Variants in DECR1 observed in about 807,000 individuals in gnomAD.
The protein encoded by DECR1 is 2,4-dienoyl-CoA reductase 1.
A neutral mutation model predicts 38.8 loss-of-function variants in DECR1; 44 were observed. That is an observed-to-expected ratio of 1.13 (90% CI 0.89 to 1.46). The LOEUF is 1.46. DECR1 is among the 40% of genes most tolerant of loss of function. The pLI is 0.00. For synonymous variants in DECR1, 148 were observed against 135.2 expected, an observed-to-expected ratio of 1.09 and a Z score of -0.66; for missense variants, 428 against 405.5, an observed-to-expected ratio of 1.06 and a Z score of -0.48.
At chr8:90,031,198 G>T (rs1389839007) in intron 5 of DECR1, among the ~76,000 whole-genome samples, 1 of 152,044 alleles carries the variant, frequency 6.6e-6, no homozygotes, top group African/African-American at 2.4e-5. Flanking sequence ...AAATAATGTT[G>T]ATAATAAAGC....
At chr8:90,011,584 TATA>T (rs1472366856) in intron 1 of DECR1, among the ~76,000 whole-genome samples, 10 of 152,206 alleles carry the variant, frequency 6.6e-5, no homozygotes, top group Non-Finnish European at 2.9e-5. Context: ...TCCATGAACA[TATA>T]ATGTCTTTTT....
At chr8:90,021,309 A>G (rs1381660879) in intron 5 of DECR1, among the ~76,000 whole-genome samples, 1 of 152,250 alleles carries the variant, frequency 6.6e-6, no homozygotes, top group African/African-American at 2.4e-5. Context: ...AGGTTGAGGA[A>G]CAAGATGCAA....
rs543214289 is a variant in DECR1 at position 90,006,063 on chromosome 8, A to G, written c.69+4502A>G. On this transcript the variant is annotated intron_variant, in intron 1 of 9. Coordinates refer to ENST00000220764, the MANE Select transcript of DECR1 (RefSeq NM_001359.2). ...TGAAGATGGTACTACGACATTCATG[A>G]TGGATCTGCCACCATAACCCAGGCA... 19 of 627,276 alleles carry G rather than the reference A, an allele frequency of 3.0e-5. No homozygotes were observed. In the Admixed American group the frequency reaches 3.7e-4, roughly 12 times the overall value. 38.9% of individuals were successfully genotyped at this position (627,276 alleles called of 1,614,324 possible).
At chr8:90,013,816 T>A (rs1256174010) in intron 1 of DECR1, among the ~76,000 whole-genome samples, 1 of 152,256 alleles carries the variant, frequency 6.6e-6, no homozygotes, top group Non-Finnish European at 1.5e-5. Context: ...TAGGTATATA[T>A]CTCATTGATA....
chr8:90,004,639 G>A (rs1387147669), intron 1 of DECR1, among the ~76,000 whole-genome samples: 2 of 152,098 alleles, frequency 1.3e-5, no homozygotes, highest in Admixed American at 1.3e-4. Context: ...AAACCAACTA[G>A]ATGTGTTTTC....
At position 90,053,323 on chromosome 8, in the gene DECR1, G is replaced by A. The variant is rs1389504063; in HGVS notation, c.*1426G>A. Among the ~76,000 whole-genome samples the A allele has an allele frequency of 6.6e-6, 1 of 152,194 alleles. No homozygotes were observed. Among genetic ancestry groups the A allele is most frequent in the Non-Finnish European group, 1.5e-5 (1 of 68,038 alleles). On this transcript the variant is annotated 3_prime_UTR_variant, in exon 10 of 10. Transcript: ENST00000220764. Reference sequence around the variant, plus strand: ...AATCATGGCAGAAGGTGAGTGAGGAGCAAAGTCATGTCTTACGTGGTGGCA... The same window carrying A: ...AATCATGGCAGAAGGTGAGTGAGGAACAAAGTCATGTCTTACGTGGTGGCA...
At chr8:90,049,680 T>A (rs1169514543) in intron 8 of DECR1, among the ~76,000 whole-genome samples, 1 of 152,168 alleles carries the variant, frequency 6.6e-6, no homozygotes, top group Non-Finnish European at 1.5e-5. Flanking sequence ...AAACTACTTT[T>A]AAAGTTCATA....
chr8:90,008,906 G>T (rs1812810942), intron 1 of DECR1, among the ~76,000 whole-genome samples: 1 of 152,164 alleles, frequency 6.6e-6, no homozygotes, highest in South Asian at 2.1e-4. Context: ...TCACATGATA[G>T]CATCCTGGGC....
In DECR1 at chr8:90,036,943, A is replaced by T. The variant is rs768310851; in HGVS notation, c.665+3A>T. On this transcript the variant is annotated splice_donor_region_variant and intron_variant, in intron 6 of 9. Transcript: ENST00000220764. ...GCAGGTGTGGAAGCCATGAGCAAGT[A>T]AGTACTTCCTTGTCAATCCTGTTGC... 2 of 1,605,558 alleles carry T rather than the reference A, an allele frequency of 1.2e-6. No individual in the cohort carries two copies. Among genetic ancestry groups the T allele is most frequent in the East Asian group, 2.2e-5 (1 of 44,786 alleles).
At chr8:90,016,641 AAAAC>A (rs982777983) in intron 1 of DECR1, 18 of 159,344 alleles carry the variant, frequency 1.1e-4, no homozygotes, top group East Asian at 7.4e-4. Flanking sequence ...CCATCTCAAA[AAAAC>A]AAACAAACAA....
chr8:90,015,713 C>T (rs1206593794), intron 1 of DECR1: 1 of 455,318 alleles, frequency 2.2e-6, no homozygotes, highest in Non-Finnish European at 4.4e-6. Flanking sequence ...CCACCATGAC[C>T]TAATGGAATA....
chr8:90,040,260 A>G (rs1266525120), intron 6 of DECR1, among the ~76,000 whole-genome samples: 1 of 152,220 alleles, frequency 6.6e-6, no homozygotes, highest in African/African-American at 2.4e-5. Flanking sequence ...GAACTTTGTC[A>G]AAAACATCAC....
intron 5 of DECR1, among the ~76,000 whole-genome samples, chr8:90,022,843 T>A (rs1361783420): frequency 2.0e-5 from 3 of 152,176 alleles, no homozygotes; most frequent in Non-Finnish European, 2.9e-5. Flanking sequence ...CTTCCCTCAT[T>A]ATTGTCTTTC....
intron 1 of DECR1, among the ~76,000 whole-genome samples, chr8:90,014,414 T>C (rs1294570873): frequency 6.6e-6 from 1 of 152,220 alleles, no homozygotes; most frequent in East Asian, 1.9e-4. Flanking sequence ...TTAACACATA[T>C]GCTGTGTATT....
intron 7 of DECR1, among the ~76,000 whole-genome samples, chr8:90,043,015 A>G (rs1563653829): frequency 6.6e-6 from 1 of 152,068 alleles, no homozygotes; most frequent in African/African-American, 2.4e-5. Flanking sequence ...CATAATGTCA[A>G]TTTCAGTGTC....
chr8:90,012,160 T>TC (rs1226112143), intron 1 of DECR1, among the ~76,000 whole-genome samples: 7 of 151,778 alleles, frequency 4.6e-5, no homozygotes, highest in African/African-American at 1.2e-4. Flanking sequence ...TCTTTTCTTT[T>TC]TTTTTTTTTT....
intron 5 of DECR1, among the ~76,000 whole-genome samples, chr8:90,023,406 C>T (rs1462183356): frequency 6.6e-6 from 1 of 151,448 alleles, no homozygotes; most frequent in East Asian, 1.9e-4. Flanking sequence ...TGTTTAGATT[C>T]CTTTGGATTT....
At chr8:90,007,210 A>C (rs1812764836) in intron 1 of DECR1, among the ~76,000 whole-genome samples, 2 of 152,024 alleles carry the variant, frequency 1.3e-5, no homozygotes, top group Non-Finnish European at 2.9e-5. Context: ...CCTGAGTGTA[A>C]ATTTCAGGGG....
intron 1 of DECR1, among the ~76,000 whole-genome samples, chr8:90,016,474 AAAAT>A (rs1410272381): frequency 6.6e-6 from 1 of 152,088 alleles, no homozygotes; most frequent in East Asian, 1.9e-4. Context: ...GTCTGTACTA[AAAAT>A]ACAAAAATTT....
Sources: allele counts gnomAD v4.1 joint callset (sites outside exome capture counted in the v4.1 genomes callset), GRCh38; gene constraint gnomAD v4.1.1; transcripts MANE v1.5; gene names NCBI Gene and HGNC (gene_info 2026-07-23, HGNC 2026-07-21).